NCOA2: variants seen among roughly 807,000 people sequenced by gnomAD.
The protein encoded by NCOA2 is nuclear receptor coactivator 2.
NCOA2 carries 21 observed loss-of-function variants against 145.1 expected under a neutral mutation model. The ratio of observed to expected loss-of-function variants is 0.14; its 90% CI spans 0.10 to 0.21. NCOA2 has a LOEUF of 0.21. NCOA2 is among the 10% of genes least tolerant of loss of function. The pLI is 1.00. For synonymous variants in NCOA2, 619 were observed against 637.5 expected, an observed-to-expected ratio of 0.97 and a Z score of 0.44; for missense variants, 1,472 against 1,837.6, an observed-to-expected ratio of 0.80 and a Z score of 3.64.
chr8:70,200,567 G>A (rs1031337454), intron 4 of NCOA2, among the ~76,000 whole-genome samples: 4 of 152,086 alleles, frequency 2.6e-5, no homozygotes, highest in African/African-American at 4.8e-5. Flanking sequence ...ATTCTGACTC[G>A]CCACTACCTA....
At chr8:70,215,567 G>A (rs1160157757) in intron 3 of NCOA2, among the ~76,000 whole-genome samples, 1 of 152,088 alleles carries the variant, frequency 6.6e-6, no homozygotes, top group Non-Finnish European at 1.5e-5. Context: ...ATAAAATACT[G>A]GTGTTTTGCC....
At chr8:70,448,093 C>G in the NCOA2 span, among the ~76,000 whole-genome samples, 2 of 151,996 alleles carry the variant, frequency 1.3e-5, no homozygotes, top group Non-Finnish European at 2.9e-5. Context: ...TTATTTCTAA[C>G]AGACTTTTTT....
chr8:70,178,211 G>C (rs10504470), intron 4 of NCOA2, among the ~76,000 whole-genome samples: 12,316 of 152,200 alleles, frequency 0.081, 590 homozygotes, highest in Admixed American at 0.12. Flanking sequence ...AGGTTATGTA[G>C]AATCAGGATC....
At chr8:70,335,001 T>G (rs1375423176) in intron 1 of NCOA2, among the ~76,000 whole-genome samples, 2 of 151,642 alleles carry the variant, frequency 1.3e-5, no homozygotes, top group African/African-American at 2.4e-5. Flanking sequence ...TGCATGCCTG[T>G]AATCCCAGCT....
At chr8:70,366,896 A>T (rs1055816484) in intron 1 of NCOA2, among the ~76,000 whole-genome samples, 10 of 152,200 alleles carry the variant, frequency 6.6e-5, no homozygotes, top group African/African-American at 2.4e-4. Flanking sequence ...CTGACCTCGT[A>T]GCTCTGAAAT....
At chr8:70,292,614 T>C (rs912804878) in intron 2 of NCOA2, among the ~76,000 whole-genome samples, 1 of 151,012 alleles carries the variant, frequency 6.6e-6, no homozygotes, top group African/African-American at 2.4e-5. Flanking sequence ...CAAGGAAACA[T>C]GGAGTTAAAC....
At chr8:70,209,979 C>G (rs1818845652) in intron 4 of NCOA2, among the ~76,000 whole-genome samples, 1 of 152,180 alleles carries the variant, frequency 6.6e-6, no homozygotes, top group South Asian at 2.1e-4. Flanking sequence ...TTCCATGACT[C>G]CTGTTTCTAA....
intron 12 of NCOA2, among the ~76,000 whole-genome samples, chr8:70,146,275 GAT>G (rs1295341412): frequency 2.0e-5 from 3 of 152,142 alleles, no homozygotes; most frequent in Non-Finnish European, 2.9e-5. Flanking sequence ...ATTTGGATTT[GAT>G]ATGATTTTTA....
Position 70,178,774 on chromosome 8 carries a change from G to C in NCOA2, c.260-3915C>G, listed in dbSNP as rs998710548. On this transcript the variant is annotated intron_variant, in intron 4 of 22. Transcript: ENST00000452400. Reference sequence around the variant, plus strand: ...GTTGTAACCGAATTGGATTCTGCAGGATATGCAAGTGGACAGCAAGAAAAC... The same window carrying C: ...GTTGTAACCGAATTGGATTCTGCAGCATATGCAAGTGGACAGCAAGAAAAC... 2.0e-5 allele frequency among the ~76,000 whole-genome samples: 3 copies of C among 152,208 alleles called. No homozygotes were observed. In the South Asian group the frequency reaches 6.2e-4, roughly 31 times the overall value.
rs578194021 is a variant in NCOA2 at position 70,191,754 on chromosome 8, G to A, written c.260-16895C>T. 2.4e-4 allele frequency among the ~76,000 whole-genome samples: 36 copies of A among 152,268 alleles called. 1 individual carries two copies. The South Asian group carries it at 5.8e-3, about 25-fold the overall frequency. ...ATAAACTGAGGGGTTTCTAAAGACT[G>A]AAAAGGCCAGGGACGGTGGCTCATG... is the stretch of plus-strand genomic sequence containing the variant. On this transcript the variant is annotated intron_variant, in intron 4 of 22. Coordinates refer to ENST00000452400, the MANE Select transcript of NCOA2 (RefSeq NM_006540.4).
At chr8:70,148,681 T>C (rs1173308252) in intron 11 of NCOA2, among the ~76,000 whole-genome samples, 198 bp from the exon 12 acceptor site, 1 of 152,232 alleles carries the variant, frequency 6.6e-6, no homozygotes, top group East Asian at 1.9e-4. Flanking sequence ...ATTTAATCTC[T>C]TGGTCCTCAA....
chr8:70,304,378 T>C (rs1420157275), intron 1 of NCOA2, among the ~76,000 whole-genome samples: 4 of 152,170 alleles, frequency 2.6e-5, no homozygotes, highest in African/African-American at 7.2e-5. Context: ...CCTAGGTATG[T>C]AGCAGGCTAG....
intron 1 of NCOA2, among the ~76,000 whole-genome samples, chr8:70,305,489 G>A (rs1200337557): frequency 6.6e-6 from 1 of 152,196 alleles, no homozygotes; most frequent in Non-Finnish European, 1.5e-5. Flanking sequence ...AAGGAAGACA[G>A]TAAGGTAACA....
chr8:70,158,528 T>C (rs992273250), intron 10 of NCOA2, among the ~76,000 whole-genome samples: 2 of 152,208 alleles, frequency 1.3e-5, no homozygotes, highest in African/African-American at 2.4e-5. Flanking sequence ...AATATATACA[T>C]AGAAAGTTCT....
At chr8:70,330,207 G>GATGATA (rs996156182) in intron 1 of NCOA2, among the ~76,000 whole-genome samples, 3 of 129,022 alleles carry the variant, frequency 2.3e-5, no homozygotes, top group African/African-American at 1.0e-4. Context: ...TGATGATGAT[G>GATGATA]ATGATGATAA....
chr8:70,343,787 G>T (rs1465875806), intron 1 of NCOA2, among the ~76,000 whole-genome samples: 1 of 151,294 alleles, frequency 6.6e-6, no homozygotes, highest in Non-Finnish European at 1.5e-5. Context: ...CTCTAGCCTG[G>T]GTGATGAAGC....
intron 2 of NCOA2, among the ~76,000 whole-genome samples, chr8:70,239,118 T>C (rs1821902423): frequency 1.3e-5 from 2 of 152,124 alleles, no homozygotes; most frequent in Non-Finnish European, 2.9e-5. Flanking sequence ...TCTAATCAAC[T>C]TTAGAAGACT....
intron 4 of NCOA2, among the ~76,000 whole-genome samples, chr8:70,211,261 C>A (rs1818983654): frequency 6.6e-6 from 1 of 151,974 alleles, no homozygotes; most frequent in Non-Finnish European, 1.5e-5. Context: ...GAGTTCGAGA[C>A]CAGCCTGGCC....
intron 22 of NCOA2, among the ~76,000 whole-genome samples, chr8:70,118,947 G>A (rs749407173): frequency 4.6e-5 from 7 of 151,968 alleles, no homozygotes; most frequent in South Asian, 2.1e-4. Flanking sequence ...CTCAGCCTCC[G>A]AAAGTGTTGG....
Sources: allele counts gnomAD v4.1 joint callset (sites outside exome capture counted in the v4.1 genomes callset), GRCh38; gene constraint gnomAD v4.1.1; transcripts MANE v1.5; gene names NCBI Gene and HGNC (gene_info 2026-07-23, HGNC 2026-07-21).